TMEM132C: variants seen among roughly 807,000 people sequenced by gnomAD.
TMEM132C encodes the protein transmembrane protein 132C, also known as protein phosphatase 1, regulatory subunit 152.
A neutral mutation model predicts 61.4 loss-of-function variants in TMEM132C; 29 were observed. The ratio of observed to expected loss-of-function variants is 0.47; its 90% CI spans 0.35 to 0.64. TMEM132C has a LOEUF of 0.64. Ranked by LOEUF, TMEM132C falls within the 30% of genes least tolerant of loss-of-function variation. The pLI is 0.00. For synonymous variants in TMEM132C, 656 were observed against 633.1 expected, an observed-to-expected ratio of 1.04 and a Z score of -0.54; for missense variants, 1,408 against 1,476.9, an observed-to-expected ratio of 0.95 and a Z score of 0.76.
chr12:128,644,142 C>G (rs1381747750), intron 4 of TMEM132C, among the ~76,000 whole-genome samples: 1 of 152,140 alleles, frequency 6.6e-6, no homozygotes, highest in Non-Finnish European at 1.5e-5. Flanking sequence ...CCTGCATGCG[C>G]TGGTGGTGGG....
chr12:128,294,702 T>C (rs1871348606), intron 1 of TMEM132C, among the ~76,000 whole-genome samples: 2 of 152,118 alleles, frequency 1.3e-5, no homozygotes, highest in Non-Finnish European at 2.9e-5. Context: ...CCCTATGTCC[T>C]CTCACAGTGG....
In TMEM132C at chr12:128,267,429, G is replaced by C; in HGVS notation, c.27G>C (p.Gly9=). The C allele has an allele frequency of 1.6e-6, 2 of 1,243,300 alleles. No homozygotes were observed. The highest frequency in any genetic ancestry group is 2.0e-6 in the Non-Finnish European group (2 of 994,608). The allele number at this position is 1,243,300 out of a possible 1,614,324, so 77.0% of individuals were successfully genotyped here. ...TGCGCTCCGAGGGTGCGGCCCCCGG[G>C]CCGGCGGCGCCGCTGTGCGGGGCGC... MRSEGAAP[G]PAAPLCGALS... is the part of the protein sequence containing the mutation. The change falls in exon 1 of 9, where the codon GGG becomes GGC. Residue 9 remains glycine (G), a synonymous_variant. Coordinates refer to ENST00000435159, the MANE Select transcript of TMEM132C (RefSeq NM_001136103.3).
chr12:128,655,889 G>A (rs1241809084), intron 4 of TMEM132C, among the ~76,000 whole-genome samples: 3 of 152,154 alleles, frequency 2.0e-5, no homozygotes, highest in Non-Finnish European at 4.4e-5. Flanking sequence ...ACATAAGTTA[G>A]CCTTAAGTTT....
intron 2 of TMEM132C, among the ~76,000 whole-genome samples, chr12:128,443,900 C>T (rs1343785989): frequency 6.6e-6 from 1 of 152,178 alleles, no homozygotes; most frequent in Non-Finnish European, 1.5e-5. Context: ...CATCCCTGTT[C>T]CCCTTTCTTC....
chr12:128,426,109 G>C (rs1441084898), intron 2 of TMEM132C, among the ~76,000 whole-genome samples: 1 of 152,184 alleles, frequency 6.6e-6, no homozygotes, highest in Non-Finnish European at 1.5e-5. Flanking sequence ...TGTTCCCTGT[G>C]GTGGAAAAGC....
At chr12:128,430,076 C>G (rs1869334412) in intron 2 of TMEM132C, among the ~76,000 whole-genome samples, 1 of 152,168 alleles carries the variant, frequency 6.6e-6, no homozygotes, top group African/African-American at 2.4e-5. Context: ...TCTCAGTAAC[C>G]CAGCGAGCTA....
chr12:128,540,109 G>A (rs915967215), intron 2 of TMEM132C, among the ~76,000 whole-genome samples: 1 of 151,742 alleles, frequency 6.6e-6, no homozygotes, highest in East Asian at 1.9e-4. Flanking sequence ...CCATTCCACC[G>A]ACTTTCCATT....
chr12:128,509,562 A>T (rs78193346), intron 2 of TMEM132C, among the ~76,000 whole-genome samples: 1,739 of 152,320 alleles, frequency 0.011, 18 homozygotes, highest in Non-Finnish European at 0.019. Flanking sequence ...CCCAAACTTA[A>T]CTTTGCTTTT....
intron 2 of TMEM132C, among the ~76,000 whole-genome samples, chr12:128,428,161 G>C (rs1565933299): frequency 6.6e-6 from 1 of 152,160 alleles, no homozygotes; most frequent in Non-Finnish European, 1.5e-5. Flanking sequence ...GAAACCGAAG[G>C]CCTGAGAGAA....
chr12:128,488,598 T>C (rs1430838574), intron 2 of TMEM132C, among the ~76,000 whole-genome samples: 1 of 151,954 alleles, frequency 6.6e-6, no homozygotes, highest in Admixed American at 6.6e-5. Flanking sequence ...GAGGCAGAGG[T>C]TGCAGTGAGC....
At chr12:128,364,394 G>A (rs1463687660) in intron 1 of TMEM132C, among the ~76,000 whole-genome samples, 1 of 150,676 alleles carries the variant, frequency 6.6e-6, no homozygotes, top group Non-Finnish European at 1.5e-5. Flanking sequence ...TTGGACGACT[G>A]TCTGTCTCTT....
At chr12:128,311,776 G>A (rs769057495) in intron 1 of TMEM132C, among the ~76,000 whole-genome samples, 1 of 152,178 alleles carries the variant, frequency 6.6e-6, no homozygotes, top group Admixed American at 6.5e-5. Flanking sequence ...TTTATCAAGC[G>A]CAGGCCAGCG....
intron 2 of TMEM132C, among the ~76,000 whole-genome samples, chr12:128,504,307 A>G (rs1872280113): frequency 6.6e-6 from 1 of 152,140 alleles, no homozygotes; most frequent in African/African-American, 2.4e-5. Context: ...GAGTCCCAGA[A>G]TCCCACCCAG....
chr12:128,529,709 C>G (rs1448126306), intron 2 of TMEM132C, among the ~76,000 whole-genome samples: 1 of 152,126 alleles, frequency 6.6e-6, no homozygotes, highest in Non-Finnish European at 1.5e-5. Flanking sequence ...TTGCTTGAAC[C>G]TGGGAGGTGG....
At chr12:128,702,997 T>G (rs1208668807) in intron 8 of TMEM132C, among the ~76,000 whole-genome samples, 2 of 152,020 alleles carry the variant, frequency 1.3e-5, no homozygotes, top group Non-Finnish European at 2.9e-5. Context: ...TCATGGTCTT[T>G]GTGGGGCTGA....
chr12:128,580,552 G>C (rs190378898), intron 3 of TMEM132C, among the ~76,000 whole-genome samples: 20 of 152,364 alleles, frequency 1.3e-4, no homozygotes, highest in Admixed American at 1.2e-3. Flanking sequence ...TCCAACGTGG[G>C]AAATTGGATG....
At chr12:128,496,591 A>AATCACTG (rs1363159473) in intron 2 of TMEM132C, among the ~76,000 whole-genome samples, 1 of 152,066 alleles carries the variant, frequency 6.6e-6, no homozygotes, top group East Asian at 1.9e-4. Flanking sequence ...TTTGATCTTC[A>AATCACTG]ATCACTGATA....
intron 2 of TMEM132C, among the ~76,000 whole-genome samples, chr12:128,489,389 A>G (rs866596389): frequency 4.0e-5 from 6 of 150,828 alleles, no homozygotes; most frequent in African/African-American, 1.5e-4. Flanking sequence ...AAAAAAAAAA[A>G]CCATAGCCTC....
intron 1 of TMEM132C, among the ~76,000 whole-genome samples, chr12:128,345,538 T>A (rs972118727): frequency 3.3e-5 from 5 of 152,164 alleles, no homozygotes; most frequent in Non-Finnish European, 5.9e-5. Flanking sequence ...CAACAGTGTA[T>A]CAGCATTCTT....
Sources: allele counts gnomAD v4.1 joint callset (sites outside exome capture counted in the v4.1 genomes callset), GRCh38; gene constraint gnomAD v4.1.1; transcripts MANE v1.5; gene names NCBI Gene and HGNC (gene_info 2026-07-23, HGNC 2026-07-21).